ANKS6: variants seen among roughly 807,000 people sequenced by gnomAD.
The protein encoded by ANKS6 is ankyrin repeat and sterile alpha motif domain containing 6, also known as ankyrin repeat and SAM domain-containing protein 6.
ANKS6 carries 47 observed loss-of-function variants against 77.9 expected under a neutral mutation model. That is an observed-to-expected ratio of 0.60 (90% CI 0.48 to 0.77). The LOEUF is 0.77. Among genes scored for constraint, ANKS6 ranks in the 30% least tolerant of loss-of-function variants. The pLI is 0.00. For synonymous variants in ANKS6, 488 were observed against 501.7 expected (o/e 0.97, Z 0.37); for missense variants, 1,150 against 1,159.1 (o/e 0.99, Z 0.11).
rs746194630 is a variant in ANKS6 at position 98,736,470 on chromosome 9, G to A, written c.*49C>T. ...AGGGCTGGGGCTGTGGCCACGTGAA[G>A]GGGTCCCGGGATTCAGAGAGCTCAC... is the stretch of plus-strand genomic sequence containing the variant. On this transcript the variant is annotated 3_prime_UTR_variant, in exon 15 of 15. Transcript: ENST00000353234. 7 of 1,549,356 alleles carry A rather than the reference G, an allele frequency of 4.5e-6. No homozygotes were observed. Among genetic ancestry groups the A allele is most frequent in the Non-Finnish European group, 5.2e-6 (6 of 1,145,726 alleles).
intron 13 of ANKS6, among the ~76,000 whole-genome samples, chr9:98,750,274 C>T (rs1307836826): frequency 2.5e-5 from 2 of 80,776 alleles, no homozygotes; most frequent in African/African-American, 8.3e-5. Flanking sequence ...TGAAAGCACA[C>T]CCTACGTGCC....
intron 13 of ANKS6, among the ~76,000 whole-genome samples, chr9:98,748,070 C>A (rs908889648): frequency 7.2e-5 from 11 of 152,244 alleles, no homozygotes; most frequent in Non-Finnish European, 1.5e-4. Context: ...TTTCATAGAC[C>A]CCCTTCTCTG....
rs538994566 is a variant in ANKS6 at position 98,781,089 on chromosome 9, G to A, written c.1220-752C>T. On this transcript the variant is annotated intron_variant, in intron 5 of 14. Transcript: ENST00000353234. ...TAATTTTTGTATTTTTAGTAGAGATGGGGTTTCGTCATGTTGGCCAGGCTG... is the reference window on the plus strand; with the variant it reads ...TAATTTTTGTATTTTTAGTAGAGATAGGGTTTCGTCATGTTGGCCAGGCTG... Among the ~76,000 whole-genome samples the A allele has an allele frequency of 1.4e-3, 219 of 152,144 alleles. 3 individuals are homozygous for A. The Middle Eastern group carries it at 0.034, about 24-fold the overall frequency.
chr9:98,764,238 T>C (rs1833156554), intron 11 of ANKS6, among the ~76,000 whole-genome samples: 1 of 152,196 alleles, frequency 6.6e-6, no homozygotes, highest in South Asian at 2.1e-4. Flanking sequence ...TTTCTCTGTA[T>C]GTAATTTCTT....
Position 98,745,630 on chromosome 9 carries a change from C to T in ANKS6, c.2440G>A (p.Glu814Lys). The T allele has an allele frequency of 1.2e-6, 2 of 1,614,204 alleles. No individual in the cohort carries two copies. Among genetic ancestry groups the T allele is most frequent in the Non-Finnish European group, 8.5e-7 (1 of 1,180,036 alleles). The change falls in exon 14 of 15, where the codon GAG becomes AAG. Residue 814 changes from glutamate to lysine, a missense_variant. By Grantham distance (56) the Glu-to-Lys change is moderately conservative (BLOSUM62 1). Coordinates refer to ENST00000353234, the MANE Select transcript of ANKS6 (RefSeq NM_173551.5). Reference protein sequence around the residue: ...FLTLTDGDLKELGIKTDGSRQ... With the variant: ...FLTLTDGDLKKLGIKTDGSRQ... The stretch of plus-strand genomic sequence containing the variant: ...GACCCATCTGTCTTAATTCCCAGCT[C>T]CTTCAAGTCACCGTCAGTCAGTGTG...
At position 98,735,736 on chromosome 9, in the gene ANKS6, C is replaced by T. The variant is rs1451011221; in HGVS notation, c.*783G>A. On this transcript the variant is annotated 3_prime_UTR_variant, in exon 15 of 15. Coordinates refer to ENST00000353234, the MANE Select transcript of ANKS6 (RefSeq NM_173551.5). The stretch of plus-strand genomic sequence containing the variant: ...AGCTAGGAAGAAGAAGGGATCCACA[C>T]AGCAGGCCTCCACTTCTTTCCTTCT... 20 of 1,231,658 alleles carry T rather than the reference C, an allele frequency of 1.6e-5. No homozygotes were observed. The highest frequency in any genetic ancestry group is 4.2e-5 in the Admixed American group (1 of 23,706). The allele number at this position is 1,231,658 out of a possible 1,614,324, so 76.3% of individuals were successfully genotyped here.
chr9:98,742,880 A>G (rs1831916623), intron 14 of ANKS6, among the ~76,000 whole-genome samples: 1 of 152,200 alleles, frequency 6.6e-6, no homozygotes, highest in Non-Finnish European at 1.5e-5. Flanking sequence ...GAGGCAACTG[A>G]AAAAAGGCTC....
Position 98,780,192 on chromosome 9 carries a change from C to T in ANKS6, c.1365G>A (p.Leu455=). 6.2e-7 allele frequency: 1 copy of T among 1,613,766 alleles called. No homozygotes were observed. The highest frequency in any genetic ancestry group is 8.5e-7 in the Non-Finnish European group (1 of 1,180,010). Residue 455 remains leucine, a synonymous_variant, in exon 6 of 15, where the codon CTG becomes CTA. Transcript: ENST00000353234. The stretch of plus-strand genomic sequence containing the variant: ...TTTAAGACAGGAAAAGGCAAACCTT[C>T]AGTCCACCCTTGTCATCGGGCAGCA... The part of the protein sequence containing the change: ...IPVLPDDKGG[L]KSWWNRMSNR...
chr9:98,760,228 G>T (rs1832938823), intron 11 of ANKS6, among the ~76,000 whole-genome samples: 2 of 152,200 alleles, frequency 1.3e-5, no homozygotes. Flanking sequence ...GTCTCCAGGT[G>T]TTCAGCTGTT....
Position 98,784,149 on chromosome 9 carries a change from G to C in ANKS6, c.916C>G (p.Gln306Glu). The stretch of plus-strand genomic sequence containing the variant: ...TCATCGGCAATCTCTTTGACCAGCT[G>C]GAAGTTTCCTGCAAACACAAGCAGG... ...IFHALKMGNFQLVKEIADEDP... is the reference protein window; with the variant it reads ...IFHALKMGNFELVKEIADEDP... The change falls in exon 4 of 15, where the codon CAG becomes GAG. Residue 306 changes from glutamine (Q) to glutamate (E), a missense_variant. By Grantham distance (29) the Gln-to-Glu change is conservative (BLOSUM62 2). Transcript: ENST00000353234. The C allele has an allele frequency of 6.6e-7, 1 of 1,524,252 alleles. No homozygotes were observed. Among genetic ancestry groups the C allele is most frequent in the Non-Finnish European group, 8.9e-7 (1 of 1,128,428 alleles). The allele number at this position is 1,524,252 out of a possible 1,614,324, so 94.4% of individuals were successfully genotyped here.
chr9:98,750,940 C>G, intron 13 of ANKS6, 89 bp downstream of exon 13: 1 of 1,039,912 alleles, frequency 9.6e-7, no homozygotes, highest in Admixed American at 2.0e-5. Context: ...AGAGATCAAT[C>G]TAGGCTTGCA....
chr9:98,760,745 T>C (rs1021467744), intron 11 of ANKS6, among the ~76,000 whole-genome samples: 7 of 152,352 alleles, frequency 4.6e-5, no homozygotes, highest in Admixed American at 2.6e-4. Flanking sequence ...TTTTTGATGC[T>C]GTGTTGTGTT....
At chr9:98,777,192 G>A (rs1211593211) in intron 8 of ANKS6, among the ~76,000 whole-genome samples, 4 of 152,166 alleles carry the variant, frequency 2.6e-5, no homozygotes, top group Non-Finnish European at 2.9e-5. Context: ...GACACCCAGC[G>A]GGTGAGCACC....
chr9:98,792,375 C>T (rs1419852460), intron 1 of ANKS6, among the ~76,000 whole-genome samples: 2 of 152,206 alleles, frequency 1.3e-5, no homozygotes, highest in Non-Finnish European at 2.9e-5. Flanking sequence ...ATTGTCTCTC[C>T]TATTCAGTGG....
chr9:98,790,059 C>T (rs1834806942), intron 2 of ANKS6, 45 bp downstream of exon 2: 1 of 1,521,660 alleles, frequency 6.6e-7, no homozygotes, highest in Non-Finnish European at 8.8e-7. Context: ...CACATAAACA[C>T]AATTTGGGGT....
intron 10 of ANKS6, among the ~76,000 whole-genome samples, 170 bp downstream of exon 10, chr9:98,770,726 A>G (rs1833572767): frequency 6.6e-6 from 1 of 152,192 alleles, no homozygotes; most frequent in Non-Finnish European, 1.5e-5. Context: ...GAAAATGTGT[A>G]AAACTCTGAA....
intron 2 of ANKS6, among the ~76,000 whole-genome samples, chr9:98,788,888 G>A (rs1196364543): frequency 6.6e-6 from 1 of 152,204 alleles, no homozygotes; most frequent in Non-Finnish European, 1.5e-5. Context: ...CCTGGACAAA[G>A]TAAGAGGTCT....
chr9:98,781,783 A>C (rs1464685924), intron 5 of ANKS6, among the ~76,000 whole-genome samples: 1 of 152,198 alleles, frequency 6.6e-6, no homozygotes, highest in African/African-American at 2.4e-5. Flanking sequence ...CACAGCCAAC[A>C]GCTAGAATCC....
rs1480347568 is a variant in ANKS6 at position 98,780,305 on chromosome 9, A to G, written c.1252T>C (p.Cys418Arg). The change falls in exon 6 of 15, where the codon TGC (cysteine) becomes CGC (arginine). Residue 418 changes from cysteine (C) to arginine (R), a missense_variant. Transcript: ENST00000353234. The part of the protein sequence containing the change: ...TELVRLLASV[C>R]MQVNKDKGRP... ...CCTTTGTCTTTATTCACCTGCATGC[A>G]GACAGATGCCAGCAGTCGAACAAGT... 1.7e-5 allele frequency: 28 copies of G among 1,607,336 alleles called. No homozygotes were observed. Among genetic ancestry groups the G allele is most frequent in the Non-Finnish European group, 2.4e-5 (28 of 1,176,818 alleles).
Sources: gnomAD v4.1 joint callset for allele counts (sites outside exome capture counted in the v4.1 genomes callset) on GRCh38, gnomAD v4.1.1 for gene constraint, MANE v1.5 for transcripts, NCBI Gene and HGNC (gene_info 2026-07-23, HGNC 2026-07-21) for gene names.